RANBP2: variants seen among roughly 807,000 people sequenced by gnomAD.
RANBP2 encodes E3 SUMO-protein ligase RanBP2.
A neutral mutation model predicts 303.6 loss-of-function variants in RANBP2; 57 were observed. The ratio of observed to expected loss-of-function variants is 0.19; its 90% CI spans 0.15 to 0.23. The LOEUF (loss-of-function observed/expected upper bound fraction) is 0.23. RANBP2 is among the 10% of genes least tolerant of loss of function. The pLI is 1.00. For missense variants in RANBP2, 3,138 were observed against 3,780.8 expected (o/e 0.83, Z 4.46); for synonymous variants, 1,167 against 1,301.5 (o/e 0.90, Z 2.23).
the RANBP2 span, among the ~76,000 whole-genome samples, chr2:108,879,408 C>T: frequency 1.3e-5 from 2 of 152,304 alleles, no homozygotes; most frequent in South Asian, 4.1e-4. Flanking sequence ...GTAGAAAAAT[C>T]ATCCAAATTC....
Position 108,735,633 on chromosome 2 carries a change from C to A in RANBP2, c.507C>A (p.Ile169=), listed in dbSNP as rs1443220796. 1.3e-6 allele frequency: 2 copies of A among 1,597,574 alleles called. No homozygotes were observed. The highest frequency in any genetic ancestry group is 1.7e-5 in the Admixed American group (1 of 60,006). The change falls in exon 5 of 29, where the codon ATC becomes ATA. Residue 169 remains isoleucine, a synonymous_variant. Coordinates refer to ENST00000283195, the MANE Select transcript of RANBP2 (RefSeq NM_006267.5). ...GACCTGATGACGTCCATGTGAACATCCGGCTAGTGGAGGTGTATCGCTCAA... is the reference window on the plus strand; with the variant it reads ...GACCTGATGACGTCCATGTGAACATACGGCTAGTGGAGGTGTATCGCTCAA... The part of the protein sequence containing the change: ...YVRPDDVHVN[I]RLVEVYRSTK...
the RANBP2 span, chr2:109,614,967 G>T: frequency 6.5e-7 from 1 of 1,528,856 alleles, no homozygotes; most frequent in Non-Finnish European, 8.8e-7. Context: ...CTCGCGGCGC[G>T]ACGTGCAGCC....
At chr2:108,875,337 GAAAC>G in the RANBP2 span, among the ~76,000 whole-genome samples, 15 of 132,842 alleles carry the variant, frequency 1.1e-4, no homozygotes, top group South Asian at 9.3e-4. Context: ...AAAAAAAAAA[GAAAC>G]AAATTCTTAA....
At chr2:108,749,223 C>T (rs1173757195) in intron 9 of RANBP2, 94 bp downstream of exon 9, 7 of 1,590,478 alleles carry the variant, frequency 4.4e-6, no homozygotes, top group South Asian at 3.3e-5. Flanking sequence ...TAATATTTTC[C>T]TGTATTCCTT....
chr2:108,977,850 C>T, the RANBP2 span, among the ~76,000 whole-genome samples: 4 of 152,322 alleles, frequency 2.6e-5, no homozygotes, highest in East Asian at 5.8e-4. Context: ...GGTTCACACA[C>T]TTTTTAAGCC....
chr2:109,426,832 G>A, the RANBP2 span, among the ~76,000 whole-genome samples: 1 of 152,084 alleles, frequency 6.6e-6, no homozygotes, highest in Non-Finnish European at 1.5e-5. Flanking sequence ...AGTTGCCACA[G>A]CCACCCCCAC....
At chr2:109,558,506 C>T in the RANBP2 span, among the ~76,000 whole-genome samples, 1 of 152,098 alleles carries the variant, frequency 6.6e-6, no homozygotes, top group Non-Finnish European at 1.5e-5. Context: ...AATTATTAAA[C>T]TTGGGGATTT....
the RANBP2 span, among the ~76,000 whole-genome samples, chr2:109,729,289 C>T: frequency 6.6e-6 from 1 of 152,182 alleles, no homozygotes; most frequent in Non-Finnish European, 1.5e-5. Flanking sequence ...AAATGGCACA[C>T]ACCCAAACAT....
chr2:109,733,318 G>GA, the RANBP2 span, among the ~76,000 whole-genome samples: 2 of 151,850 alleles, frequency 1.3e-5, no homozygotes, highest in Admixed American at 6.6e-5. Context: ...TTGAACAAAA[G>GA]AAAAAAATCA....
chr2:109,098,875 C>G, the RANBP2 span, among the ~76,000 whole-genome samples: 4 of 152,210 alleles, frequency 2.6e-5, no homozygotes, highest in Non-Finnish European at 4.4e-5. Flanking sequence ...CCTCCAATCT[C>G]AAATCTCAGA....
At chr2:108,933,258 G>T in the RANBP2 span, among the ~76,000 whole-genome samples, 3 of 152,202 alleles carry the variant, frequency 2.0e-5, no homozygotes, top group African/African-American at 7.2e-5. Context: ...AAATCGGGTG[G>T]GGGTGACCAA....
the RANBP2 span, among the ~76,000 whole-genome samples, chr2:109,653,103 A>G: frequency 2.6e-5 from 4 of 152,174 alleles, no homozygotes; most frequent in Admixed American, 2.0e-4. Flanking sequence ...GTTCCATTTC[A>G]AAGGTGACTG....
the RANBP2 span, among the ~76,000 whole-genome samples, chr2:108,936,117 T>C: frequency 9.6e-3 from 1,457 of 152,342 alleles, 26 homozygotes; most frequent in African/African-American, 0.032. Flanking sequence ...TTCCACCCAG[T>C]TGGGCCCCCC....
chr2:109,428,405 TCAACAGGCTG>T, the RANBP2 span, among the ~76,000 whole-genome samples: 1 of 152,212 alleles, frequency 6.6e-6, no homozygotes, highest in Non-Finnish European at 1.5e-5. Flanking sequence ...GCTGTTAGTT[TCAACAGGCTG>T]CACGTGAAAG....
the RANBP2 span, among the ~76,000 whole-genome samples, chr2:109,251,170 T>C: frequency 0.11 from 17,106 of 151,824 alleles, 1,530 homozygotes; most frequent in East Asian, 0.32. Context: ...GCCTGGCTAA[T>C]TTTTTTATTT....
At chr2:109,400,568 C>T in the RANBP2 span, among the ~76,000 whole-genome samples, 1 of 137,996 alleles carries the variant, frequency 7.2e-6, no homozygotes, top group Admixed American at 7.0e-5. Flanking sequence ...CACATACACA[C>T]CTGTGCGCAC....
the RANBP2 span, among the ~76,000 whole-genome samples, chr2:109,547,262 G>A: frequency 6.6e-6 from 1 of 151,326 alleles, no homozygotes; most frequent in Non-Finnish European, 1.5e-5. Context: ...AAAATTAACT[G>A]TTCTTTGTTG....
the RANBP2 span, chr2:109,667,902 A>G: frequency 1.0e-5 from 2 of 191,282 alleles, no homozygotes; most frequent in African/African-American, 2.4e-5. Flanking sequence ...GGAGAAGCTG[A>G]AGCAGCAAGA....
chr2:109,710,874 G>A, the RANBP2 span, among the ~76,000 whole-genome samples: 1 of 152,104 alleles, frequency 6.6e-6, no homozygotes, highest in Non-Finnish European at 1.5e-5. Context: ...TGATTCCTGA[G>A]ACAGCAAGAT....
Sources: allele counts gnomAD v4.1 joint callset (sites outside exome capture counted in the v4.1 genomes callset), GRCh38; gene constraint gnomAD v4.1.1; transcripts MANE v1.5; gene names NCBI Gene and HGNC (gene_info 2026-07-23, HGNC 2026-07-21).